KLHL1: variants seen among roughly 807,000 people sequenced by gnomAD.
KLHL1 encodes the protein kelch-like protein 1.
KLHL1 carries 47 observed loss-of-function variants against 77.7 expected under a neutral mutation model. The observed-to-expected ratio is 0.60, with a 90% confidence interval of 0.48 to 0.77. KLHL1 has a LOEUF of 0.77. Ranked by LOEUF, KLHL1 falls within the 30% of genes least tolerant of loss-of-function variation. The pLI, the probability that KLHL1 is intolerant of heterozygous loss-of-function variation, is 0.00. For missense variants in KLHL1, 925 were observed against 910.8 expected, an observed-to-expected ratio of 1.02 and a Z score of -0.20; for synonymous variants, 360 against 325.2, an observed-to-expected ratio of 1.11 and a Z score of -1.15.
At chr13:69,822,172 T>C (rs1402841920) in intron 6 of KLHL1, among the ~76,000 whole-genome samples, 1 of 135,898 alleles carries the variant, frequency 7.4e-6, no homozygotes, top group African/African-American at 2.9e-5. Context: ...CACTCCAGCC[T>C]GGGTGACAGA....
intron 4 of KLHL1, among the ~76,000 whole-genome samples, chr13:69,926,510 T>C (rs1177173951): frequency 6.6e-6 from 1 of 152,172 alleles, no homozygotes; most frequent in Non-Finnish European, 1.5e-5. Context: ...ATTTTTAAGA[T>C]AGTAATACTC....
At chr13:69,731,497 G>C (rs780257374) in intron 8 of KLHL1, among the ~76,000 whole-genome samples, 1 of 152,124 alleles carries the variant, frequency 6.6e-6, no homozygotes, top group Non-Finnish European at 1.5e-5. Context: ...CAAAGCAGTG[G>C]TGATAGTAGG....
At chr13:69,970,099 C>A (rs146474020) in intron 2 of KLHL1, among the ~76,000 whole-genome samples, 1 of 152,236 alleles carries the variant, frequency 6.6e-6, no homozygotes, top group Non-Finnish European at 1.5e-5. Context: ...CCTCTCACTG[C>A]CATAGGTTTT....
chr13:70,010,594 T>C (rs1258104420), intron 1 of KLHL1, among the ~76,000 whole-genome samples: 1 of 151,986 alleles, frequency 6.6e-6, no homozygotes, highest in East Asian at 1.9e-4. Context: ...GAAGTAGTTA[T>C]ATAAACAAGA....
At chr13:69,798,953 G>A (rs1163699498) in intron 6 of KLHL1, among the ~76,000 whole-genome samples, 2 of 152,032 alleles carry the variant, frequency 1.3e-5, no homozygotes, top group Admixed American at 1.3e-4. Context: ...GCCGGGCATG[G>A]TGGCTCATGC....
chr13:69,726,893 C>T (rs939179105), intron 8 of KLHL1, among the ~76,000 whole-genome samples: 1 of 151,984 alleles, frequency 6.6e-6, no homozygotes, highest in African/African-American at 2.4e-5. Flanking sequence ...TCATCATGAC[C>T]AGTACATGTT....
At position 69,719,511 on chromosome 13, in the gene KLHL1, T is replaced by C. The variant is rs759184108; in HGVS notation, c.1873A>G (p.Asn625Asp). The C allele has an allele frequency of 1.4e-5, 23 of 1,613,526 alleles. No individual in the cohort carries two copies. The highest frequency in any genetic ancestry group is 1.9e-5 in the Non-Finnish European group (22 of 1,179,678). Residue 625 changes from asparagine (N) to aspartate (D), a missense_variant, in exon 9 of 11, where the codon AAT (asparagine) becomes GAT (aspartate). Coordinates refer to ENST00000377844, the MANE Select transcript of KLHL1 (RefSeq NM_020866.3). ...SSMEYYDPHT[N>D]KWNMCAPMCK... ...ATGGGAGCACACATGTTCCACTTAT[T>C]TGTATGAGGATCATAATATTCCATT...
rs115548203 is a variant in KLHL1 at position 69,723,124 on chromosome 13, T to A, written c.1803-3543A>T. On this transcript the variant is annotated intron_variant, in intron 8 of 10. Transcript: ENST00000377844. ...ACTCACATGTATACTCTAAAAAGAA[T>A]GTCTCATAGAATTTGAGAGTAAAAC... Among the ~76,000 whole-genome samples, 629 of 152,160 alleles carry A rather than the reference T, an allele frequency of 4.1e-3. 4 individuals are homozygous for A. Among genetic ancestry groups the A allele is most frequent in the African/African-American group, 0.014 (600 of 41,538 alleles).
Position 69,940,202 on chromosome 13 carries a change from G to T in KLHL1, c.852C>A (p.Asn284Lys), listed in dbSNP as rs1261688314. 5.0e-6 allele frequency: 8 copies of T among 1,611,032 alleles called. No homozygotes were observed. The highest frequency in any genetic ancestry group is 1.7e-5 in the Admixed American group (1 of 59,432). The change falls in exon 4 of 11, where the codon AAC becomes AAA. Residue 284 changes from asparagine to lysine, a missense_variant. Asn to Lys is a moderately conservative substitution (Grantham distance 94). Transcript: ENST00000377844. ...GAAGAAGGCACGCTGCAGCAAGAAG[G>T]TTCTCAATGGTGTCCTCTTTTAATT... ...CLELKEDTIE[N>K]LLAAACLLQL...
At chr13:69,987,825 T>C (rs1041370764) in intron 1 of KLHL1, among the ~76,000 whole-genome samples, 3 of 152,160 alleles carry the variant, frequency 2.0e-5, no homozygotes, top group South Asian at 2.1e-4. Context: ...TATATAGGTA[T>C]CCTTAGTACA....
chr13:69,949,156 C>T (rs1883624781), intron 3 of KLHL1, among the ~76,000 whole-genome samples: 1 of 151,740 alleles, frequency 6.6e-6, no homozygotes, highest in South Asian at 2.1e-4. Flanking sequence ...AATATTGTTA[C>T]ATTATTATTA....
intron 4 of KLHL1, among the ~76,000 whole-genome samples, chr13:69,916,145 C>G (rs1473064712): frequency 6.6e-6 from 1 of 151,982 alleles, no homozygotes; most frequent in Non-Finnish European, 1.5e-5. Flanking sequence ...GTTGGTGGGA[C>G]TGTAAACTAG....
At chr13:69,946,309 T>C (rs929122601) in intron 3 of KLHL1, among the ~76,000 whole-genome samples, 7 of 152,180 alleles carry the variant, frequency 4.6e-5, no homozygotes, top group Non-Finnish European at 1.0e-4. Context: ...ATTTTGTATA[T>C]GTGCAGTTTA....
At chr13:70,004,948 A>G (rs975683438) in intron 1 of KLHL1, among the ~76,000 whole-genome samples, 2 of 151,596 alleles carry the variant, frequency 1.3e-5, no homozygotes, top group Non-Finnish European at 2.9e-5. Flanking sequence ...ACCTATCTAC[A>G]AATATTACAA....
intron 7 of KLHL1, among the ~76,000 whole-genome samples, chr13:69,780,702 G>GTATATATATA (rs1491418114): frequency 2.1e-5 from 1 of 47,202 alleles, no homozygotes; most frequent in East Asian, 9.1e-4. Context: ...ATATATATAT[G>GTATATATATA]TATATATATA....
At chr13:70,012,113 T>A (rs1390713493) in intron 1 of KLHL1, among the ~76,000 whole-genome samples, 2 of 151,844 alleles carry the variant, frequency 1.3e-5, no homozygotes, top group African/African-American at 4.8e-5. Context: ...TCCCATCGAG[T>A]CCCTCCCACA....
chr13:69,970,427 T>TA (rs1359802103), intron 2 of KLHL1, among the ~76,000 whole-genome samples: 1 of 152,150 alleles, frequency 6.6e-6, no homozygotes, highest in Non-Finnish European at 1.5e-5. Context: ...AAATATGATG[T>TA]AAAATCCATC....
rs71116988 is a variant in KLHL1, at chr13:70,084,622, C to CTTTTTTTTTTTTTTTTTTTTTTTTTT, written c.497+22555_497+22580dup. The stretch of plus-strand genomic sequence containing the variant: ...TACAGGCACCTGCCACCACGCCAGG[C>CTTTTTTTTTTTTTTTTTTTTTTTTTT]TTTTTTTTTTTTTTTTTTTTTTTTT... On this transcript the variant is annotated intron_variant, in intron 1 of 10. Transcript: ENST00000377844. Among the ~76,000 whole-genome samples, 20 of 14,954 alleles carry CTTTTTTTTTTTTTTTTTTTTTTTTTT rather than the reference C, an allele frequency of 1.3e-3. 5 individuals carry two copies. Among genetic ancestry groups the CTTTTTTTTTTTTTTTTTTTTTTTTTT allele is most frequent in the Non-Finnish European group, 1.8e-3 (18 of 9,850 alleles). The allele number at this position is 14,954 out of a possible 152,430, so 9.8% of individuals were successfully genotyped here.
At chr13:70,035,857 A>G (rs1886225628) in intron 1 of KLHL1, among the ~76,000 whole-genome samples, 1 of 152,052 alleles carries the variant, frequency 6.6e-6, no homozygotes, top group African/African-American at 2.4e-5. Context: ...TAGTATTTTA[A>G]TTAACAATAA....
Sources: gnomAD v4.1 joint callset for allele counts (sites outside exome capture counted in the v4.1 genomes callset) on GRCh38, gnomAD v4.1.1 for gene constraint, MANE v1.5 for transcripts, NCBI Gene and HGNC (gene_info 2026-07-23, HGNC 2026-07-21) for gene names.